The following NHSL1 variants were observed in gnomAD, a reference collection of about 807,000 sequenced individuals.
NHSL1 encodes NHS-like protein 1.
A neutral mutation model predicts 95.0 loss-of-function variants in NHSL1; 48 were observed. That is an observed-to-expected ratio of 0.51 (90% CI 0.40 to 0.64). The LOEUF (loss-of-function observed/expected upper bound fraction) is 0.64, where lower values mean the gene tolerates loss of function less well. Ranked by LOEUF, NHSL1 falls within the 30% of genes least tolerant of loss-of-function variation. The pLI is 0.00. For missense variants in NHSL1, 1,971 were observed against 2,077.7 expected (o/e 0.95, Z 1.00); for synonymous variants, 783 against 833.9 (o/e 0.94, Z 1.05).
chr6:138,641,458 T>C (rs1784958193), intron 1 of NHSL1, among the ~76,000 whole-genome samples: 1 of 151,952 alleles, frequency 6.6e-6, no homozygotes, highest in African/African-American at 2.4e-5. Flanking sequence ...TTGGTGTGTG[T>C]CTCCACTAAA....
At chr6:138,682,496 A>T (rs1785524823) in intron 1 of NHSL1, among the ~76,000 whole-genome samples, 1 of 152,214 alleles carries the variant, frequency 6.6e-6, no homozygotes, top group African/African-American at 2.4e-5. Flanking sequence ...TTCCAGAAAC[A>T]ATGTTATAAA....
At chr6:138,559,056 A>G (rs1783311787) in intron 1 of NHSL1, among the ~76,000 whole-genome samples, 1 of 151,798 alleles carries the variant, frequency 6.6e-6, no homozygotes, top group Admixed American at 6.6e-5. Context: ...CTCTTTAAAA[A>G]GAAAAAAAAA....
At chr6:138,537,050 C>T (rs1583376223) in intron 1 of NHSL1, among the ~76,000 whole-genome samples, 1 of 152,196 alleles carries the variant, frequency 6.6e-6, no homozygotes, top group South Asian at 2.1e-4. Flanking sequence ...AAGGATAAAA[C>T]CATCCACCCA....
chr6:138,464,374 C>T, intron 3 of NHSL1: 1 of 459,806 alleles, frequency 2.2e-6, no homozygotes, highest in Middle Eastern at 5.8e-4. Context: ...CCATCGCTGC[C>T]TTCGCCAGGC....
intron 1 of NHSL1, among the ~76,000 whole-genome samples, chr6:138,517,309 A>G (rs2128305663): frequency 6.6e-6 from 1 of 152,328 alleles, no homozygotes; most frequent in East Asian, 1.9e-4. Context: ...GCATTGTCAG[A>G]CTGATTTTTT....
intron 2 of NHSL1, among the ~76,000 whole-genome samples, chr6:138,485,229 T>C (rs145837064): frequency 6.6e-6 from 1 of 152,266 alleles, no homozygotes; most frequent in African/African-American, 2.4e-5. Flanking sequence ...GTACCTTCAA[T>C]GTATCGTTTT....
chr6:138,472,354 C>CT (rs1458444747), intron 3 of NHSL1, among the ~76,000 whole-genome samples: 5 of 152,114 alleles, frequency 3.3e-5, no homozygotes, highest in Non-Finnish European at 4.4e-5. Flanking sequence ...TCAAGGGATC[C>CT]TCCTGTCTCA....
intron 1 of NHSL1, among the ~76,000 whole-genome samples, chr6:138,628,194 C>T (rs1784770005): frequency 6.9e-6 from 1 of 144,684 alleles, no homozygotes; most frequent in South Asian, 2.3e-4. Context: ...TGCCTGTAAT[C>T]CCAGCTACTT....
At chr6:138,565,105 T>C (rs926828324) in intron 1 of NHSL1, among the ~76,000 whole-genome samples, 4 of 152,018 alleles carry the variant, frequency 2.6e-5, no homozygotes, top group Admixed American at 6.6e-5. Context: ...TTTGTGGGTT[T>C]TTCTGTTTCT....
intron 3 of NHSL1, among the ~76,000 whole-genome samples, chr6:138,472,668 T>C (rs537866659): frequency 1.1e-4 from 17 of 152,330 alleles, no homozygotes; most frequent in African/African-American, 4.1e-4. Context: ...AAAATCTTCA[T>C]ATATTTTTAC....
intron 3 of NHSL1, among the ~76,000 whole-genome samples, chr6:138,461,884 A>G (rs1409970009): frequency 6.6e-6 from 1 of 152,188 alleles, no homozygotes; most frequent in African/African-American, 2.4e-5. Flanking sequence ...GCTAAGAGAG[A>G]GGGATGAATT....
intron 1 of NHSL1, among the ~76,000 whole-genome samples, chr6:138,533,886 C>T (rs1212784349): frequency 6.6e-6 from 1 of 152,182 alleles, no homozygotes; most frequent in African/African-American, 2.4e-5. Flanking sequence ...ACATGGGATG[C>T]TTATCTTCCT....
intron 1 of NHSL1, among the ~76,000 whole-genome samples, chr6:138,671,130 G>C (rs1227837602): frequency 1.3e-5 from 2 of 152,160 alleles, no homozygotes; most frequent in African/African-American, 4.8e-5. Context: ...ACTCCAGCCT[G>C]AGTGACAGAG....
At position 138,612,879 on chromosome 6, in the gene NHSL1, G is replaced by A. The variant is rs145347516; in HGVS notation, c.96+79597C>T. 5.4e-4 allele frequency among the ~76,000 whole-genome samples: 82 copies of A among 152,250 alleles called. 2 individuals are homozygous for A. In the East Asian group the frequency reaches 0.012, roughly 22 times the overall value. The stretch of plus-strand genomic sequence containing the variant: ...TGCTGATACAAATCTCTTTGATGGA[G>A]GAACACTATCTCTTTTTTAAGGAAA... On this transcript the variant is annotated intron_variant, in intron 1 of 3. Transcript: ENST00000491526.
At chr6:138,626,393 T>C (rs557729056) in intron 1 of NHSL1, among the ~76,000 whole-genome samples, 11 of 152,354 alleles carry the variant, frequency 7.2e-5, no homozygotes, top group Non-Finnish European at 1.5e-5. Flanking sequence ...GTTGATTATG[T>C]AGTCCATAAA....
intron 5 of NHSL1, 44 bp from the exon 6 acceptor site, chr6:138,433,724 C>G: frequency 6.8e-7 from 1 of 1,473,018 alleles, no homozygotes; most frequent in Non-Finnish European, 9.0e-7. Context: ...AAAATAAAAT[C>G]CATAGTTCAT....
In NHSL1 at chr6:138,595,368, G is replaced by T. The variant is rs1262337848; in HGVS notation, c.96+97108C>A. ...GCAGGAGGGTCACTTGAGGTCAGGA[G>T]TGTGAGACCAGCCTGGGCAACATAA... On this transcript the variant is annotated intron_variant, in intron 1 of 3. Transcript: ENST00000491526. Among the ~76,000 whole-genome samples the T allele has an allele frequency of 2.0e-5, 3 of 152,144 alleles. No homozygotes were observed. In the South Asian group the frequency reaches 6.2e-4, roughly 32 times the overall value.
chr6:138,619,205 G>T (rs1215174583), intron 1 of NHSL1, among the ~76,000 whole-genome samples: 1 of 152,160 alleles, frequency 6.6e-6, no homozygotes, highest in African/African-American at 2.4e-5. Context: ...GGGCATGGTG[G>T]TGGAAGCCTG....
intron 1 of NHSL1, among the ~76,000 whole-genome samples, chr6:138,662,499 A>G (rs1161206709): frequency 1.3e-5 from 2 of 152,228 alleles, no homozygotes. Context: ...GATTGAATGT[A>G]TATCCTCCAA....
Sources: allele counts gnomAD v4.1 joint callset (sites outside exome capture counted in the v4.1 genomes callset), GRCh38; gene constraint gnomAD v4.1.1; transcripts MANE v1.5; gene names NCBI Gene and HGNC (gene_info 2026-07-23, HGNC 2026-07-21).